The following SAMD5 variants were observed in gnomAD, a reference collection of about 807,000 sequenced individuals.
SAMD5 encodes sterile alpha motif domain-containing protein 5.
Under a neutral mutation model 11.3 loss-of-function variants are expected in SAMD5, and 13 were observed. The observed-to-expected ratio is 1.15, with a 90% CI of 0.75 to 1.83. The LOEUF (loss-of-function observed/expected upper bound fraction) is 1.83. Among genes scored for constraint, SAMD5 ranks in the 40% most tolerant of loss-of-function variants. SAMD5 has a pLI of 0.00. For synonymous variants in SAMD5, 129 were observed against 111.3 expected (o/e 1.16, Z -1.00); for missense variants, 255 against 239.1 (o/e 1.07, Z -0.44).
At chr6:147,882,372 G>A in the SAMD5 span, among the ~76,000 whole-genome samples, 1 of 152,150 alleles carries the variant, frequency 6.6e-6, no homozygotes, top group African/African-American at 2.4e-5. Context: ...GTAAACAAAG[G>A]AATGGAAAAG....
chr6:147,666,148 A>T (rs1790716089), intron 1 of SAMD5, among the ~76,000 whole-genome samples: 1 of 152,222 alleles, frequency 6.6e-6, no homozygotes, highest in Admixed American at 6.5e-5. Flanking sequence ...CATGTTGGCC[A>T]GGCTGGTCGC....
intron 1 of SAMD5, among the ~76,000 whole-genome samples, chr6:147,662,843 A>G (rs982548639): frequency 1.3e-5 from 2 of 152,232 alleles, no homozygotes; most frequent in South Asian, 2.1e-4. Flanking sequence ...TACTACAACA[A>G]AAAGATCCAC....
At chr6:147,671,452 A>G (rs1343993421) in intron 1 of SAMD5, among the ~76,000 whole-genome samples, 1 of 152,204 alleles carries the variant, frequency 6.6e-6, no homozygotes, top group Non-Finnish European at 1.5e-5. Flanking sequence ...TTTTTGATAT[A>G]CGGATTAATA....
At chr6:147,586,173 C>T (rs573973312) in intron 1 of SAMD5, among the ~76,000 whole-genome samples, 83 of 152,286 alleles carry the variant, frequency 5.5e-4, no homozygotes, top group African/African-American at 1.8e-3. Flanking sequence ...AGGGATCATA[C>T]GCTCATATTC....
chr6:147,799,613 C>T, the SAMD5 span, among the ~76,000 whole-genome samples: 1 of 151,852 alleles, frequency 6.6e-6, no homozygotes, highest in East Asian at 1.9e-4. Flanking sequence ...TGAACTTTGG[C>T]CTGCCTTACT....
intron 1 of SAMD5, among the ~76,000 whole-genome samples, chr6:147,563,576 T>C (rs572111336): frequency 6.6e-6 from 1 of 152,322 alleles, no homozygotes; most frequent in African/African-American, 2.4e-5. Flanking sequence ...TGTCAAGGGA[T>C]TGTGGGCACA....
the SAMD5 span, among the ~76,000 whole-genome samples, chr6:147,750,886 C>G: frequency 6.6e-6 from 1 of 152,200 alleles, no homozygotes; most frequent in Admixed American, 6.5e-5. Context: ...CGGGCCACTG[C>G]ACTCCAGCCT....
At chr6:147,593,856 C>T (rs1461466974) in intron 1 of SAMD5, among the ~76,000 whole-genome samples, 3 of 152,130 alleles carry the variant, frequency 2.0e-5, no homozygotes, top group African/African-American at 4.8e-5. Context: ...CAGCTGGGCA[C>T]GGTGGCCACA....
chr6:147,941,109 G>C, the SAMD5 span, among the ~76,000 whole-genome samples: 1 of 152,104 alleles, frequency 6.6e-6, no homozygotes, highest in South Asian at 2.1e-4. Context: ...CAAGTTACTA[G>C]TATGTATAGG....
At chr6:147,682,468 T>C (rs1019410498) in intron 1 of SAMD5, among the ~76,000 whole-genome samples, 3 of 152,154 alleles carry the variant, frequency 2.0e-5, no homozygotes, top group African/African-American at 7.2e-5. Context: ...TAATCTCTGA[T>C]CACTCCAAGG....
chr6:147,870,449 AGT>A, the SAMD5 span, among the ~76,000 whole-genome samples: 5,360 of 137,448 alleles, frequency 0.039, 94 homozygotes, highest in South Asian at 0.059. Flanking sequence ...TGTGTGTGTG[AGT>A]GTGTGTGTGT....
chr6:147,756,663 A>G, the SAMD5 span, among the ~76,000 whole-genome samples: 1 of 152,218 alleles, frequency 6.6e-6, no homozygotes, highest in South Asian at 2.1e-4. Flanking sequence ...GTAAATAGAG[A>G]AGGCGAGACT....
intron 1 of SAMD5, among the ~76,000 whole-genome samples, chr6:147,669,139 C>G (rs973808158): frequency 5.3e-5 from 8 of 152,108 alleles, no homozygotes; most frequent in Admixed American, 5.2e-4. Context: ...TGAAAGACTT[C>G]TCTGTAGCAT....
chr6:147,613,074 G>A (rs555171338), intron 1 of SAMD5, among the ~76,000 whole-genome samples: 14 of 152,086 alleles, frequency 9.2e-5, no homozygotes, highest in African/African-American at 2.7e-4. Context: ...AGTGGCATGC[G>A]CCCATAGTCC....
chr6:147,798,769 A>G, the SAMD5 span, among the ~76,000 whole-genome samples: 13,576 of 152,152 alleles, frequency 0.089, 801 homozygotes, highest in Non-Finnish European at 0.13. Flanking sequence ...GGGTGCATAT[A>G]TATTTAGGAT....
the SAMD5 span, among the ~76,000 whole-genome samples, chr6:147,940,668 A>G: frequency 1.3e-5 from 2 of 152,234 alleles, no homozygotes; most frequent in Non-Finnish European, 2.9e-5. Context: ...TTATGGTTCA[A>G]AAGTGTCTGG....
chr6:147,936,066 C>G, the SAMD5 span, among the ~76,000 whole-genome samples: 15,393 of 152,118 alleles, frequency 0.1, 1,066 homozygotes, highest in South Asian at 0.29. Flanking sequence ...CTGATGCTGA[C>G]AGAGTTCAAG....
the SAMD5 span, among the ~76,000 whole-genome samples, chr6:147,911,121 G>A: frequency 2.6e-5 from 4 of 152,186 alleles, no homozygotes; most frequent in Admixed American, 1.3e-4. Context: ...GAACAGAAAT[G>A]CTTACAAAGG....
intron 1 of SAMD5, among the ~76,000 whole-genome samples, chr6:147,639,283 T>C (rs545034897): frequency 2.0e-5 from 3 of 152,340 alleles, no homozygotes; most frequent in African/African-American, 7.2e-5. Flanking sequence ...ATGAAGTAGA[T>C]AATTTTTAAA....
Sources: gnomAD v4.1 joint callset for allele counts (sites outside exome capture counted in the v4.1 genomes callset) on GRCh38, gnomAD v4.1.1 for gene constraint, MANE v1.5 for transcripts, NCBI Gene and HGNC (gene_info 2026-07-23, HGNC 2026-07-21) for gene names.